The following RIT2 variants were observed in gnomAD, a reference collection of about 807,000 sequenced individuals.
RIT2 encodes the protein GTP-binding protein Rit2.
A neutral mutation model predicts 23.7 loss-of-function variants in RIT2; 24 were observed. The ratio of observed to expected loss-of-function variants is 1.01; its 90% CI spans 0.73 to 1.43. The LOEUF (loss-of-function observed/expected upper bound fraction) is 1.43, where lower values mean the gene tolerates loss of function less well. Among genes scored for constraint, RIT2 ranks in the 40% most tolerant of loss-of-function variants. The probability of loss-of-function intolerance (pLI) is 0.00; values close to 1 mark genes in which losing one functional copy is unlikely to be tolerated. For missense variants in RIT2, 236 were observed against 266.9 expected (o/e 0.88, Z 0.81); for synonymous variants, 107 against 91.1 (o/e 1.17, Z -0.99).
At chr18:42,850,011 T>A (rs1464339219) in intron 4 of RIT2, among the ~76,000 whole-genome samples, 1 of 152,122 alleles carries the variant, frequency 6.6e-6, no homozygotes, top group Admixed American at 6.5e-5. Flanking sequence ...AGGTCCAAAG[T>A]TCATGTCCCT....
chr18:42,789,149 G>C (rs186906036), intron 4 of RIT2, among the ~76,000 whole-genome samples: 10 of 152,136 alleles, frequency 6.6e-5, no homozygotes, highest in Admixed American at 5.2e-4. Flanking sequence ...CACTATGTTT[G>C]TTCATTCTAA....
intron 1 of RIT2, among the ~76,000 whole-genome samples, chr18:43,108,499 C>T (rs148958876): frequency 4.6e-5 from 7 of 151,936 alleles, no homozygotes; most frequent in Admixed American, 1.3e-4. Flanking sequence ...AAAGCAAATG[C>T]GTGAACGTAA....
intron 2 of RIT2, among the ~76,000 whole-genome samples, chr18:42,987,896 CT>C (rs1910750338): frequency 6.6e-6 from 1 of 152,004 alleles, no homozygotes; most frequent in Admixed American, 6.6e-5. Flanking sequence ...CAGCAAGAGC[CT>C]TGTGGGAACT....
intron 1 of RIT2, among the ~76,000 whole-genome samples, chr18:43,115,151 A>G (rs1171998693): frequency 2.0e-5 from 3 of 152,162 alleles, no homozygotes; most frequent in African/African-American, 7.2e-5. Context: ...CCTATACACT[A>G]AGAGCAAATA....
chr18:42,796,218 C>T (rs113293764), intron 4 of RIT2, among the ~76,000 whole-genome samples: 20 of 152,118 alleles, frequency 1.3e-4, no homozygotes, highest in African/African-American at 4.8e-4. Flanking sequence ...CCAGCAAGAC[C>T]AGGAGCTCAC....
intron 3 of RIT2, among the ~76,000 whole-genome samples, chr18:42,962,116 A>G (rs896793696): frequency 2.0e-5 from 3 of 152,342 alleles, no homozygotes; most frequent in Middle Eastern, 3.4e-3. Context: ...CTACTACCAT[A>G]CTTACACATG....
At chr18:42,785,772 C>A (rs1245087250) in intron 4 of RIT2, among the ~76,000 whole-genome samples, 1 of 152,098 alleles carries the variant, frequency 6.6e-6, no homozygotes, top group Non-Finnish European at 1.5e-5. Context: ...AGGCAACACA[C>A]AGGGTAGCGT....
chr18:42,890,797 T>C (rs954568520), intron 4 of RIT2, among the ~76,000 whole-genome samples: 7 of 152,014 alleles, frequency 4.6e-5, no homozygotes, highest in African/African-American at 1.7e-4. Context: ...AATAAAAGAA[T>C]AATAAAGATA....
intron 2 of RIT2, among the ~76,000 whole-genome samples, chr18:43,015,501 A>G (rs1911453705): frequency 6.6e-6 from 1 of 151,782 alleles, no homozygotes; most frequent in Non-Finnish European, 1.5e-5. Flanking sequence ...GATCTAACTT[A>G]GTTATTTTCA....
intron 3 of RIT2, among the ~76,000 whole-genome samples, chr18:42,953,803 G>A (rs1909909199): frequency 6.6e-6 from 1 of 152,094 alleles, no homozygotes; most frequent in Non-Finnish European, 1.5e-5. Context: ...AACGAAGTGT[G>A]GGATTTTAAA....
intron 2 of RIT2, among the ~76,000 whole-genome samples, chr18:42,976,598 A>C (rs181768883): frequency 6.6e-6 from 1 of 152,196 alleles, no homozygotes; most frequent in Admixed American, 6.6e-5. Flanking sequence ...TGTTACAAGG[A>C]TTAAATGATA....
intron 1 of RIT2, among the ~76,000 whole-genome samples, chr18:43,098,611 T>C (rs1431015404): frequency 1.3e-5 from 2 of 151,888 alleles, no homozygotes; most frequent in African/African-American, 4.8e-5. Context: ...ACAATAACAA[T>C]AGCAACAATA....
chr18:42,852,761 T>A (rs1907085878), intron 4 of RIT2, among the ~76,000 whole-genome samples: 1 of 146,706 alleles, frequency 6.8e-6, no homozygotes, highest in African/African-American at 2.5e-5. Context: ...GAATTTCTTC[T>A]TCCCTCCCTC....
intron 3 of RIT2, among the ~76,000 whole-genome samples, chr18:42,928,486 T>C (rs1374978513): frequency 6.6e-6 from 1 of 152,110 alleles, no homozygotes; most frequent in Non-Finnish European, 1.5e-5. Context: ...TACAAATTCA[T>C]CATTTGCATA....
In RIT2 at chr18:42,743,578, A is replaced by C; in HGVS notation, c.569T>G (p.Leu190Trp). The part of the protein sequence containing the change: ...EIRKKESMPS[L>W]MEKKLKRKDS... ...TTTTCTCTTCAGTTTCTTTTCCATC[A>C]AGGATGGCATGGACTCCTTCTTGCG... Residue 190 changes from leucine (L) to tryptophan (W), a missense_variant, in exon 5 of 5, where the codon TTG (leucine) becomes TGG (tryptophan). Coordinates refer to ENST00000326695, the MANE Select transcript of RIT2 (RefSeq NM_002930.4). 8 of 1,614,040 alleles carry C rather than the reference A, an allele frequency of 5.0e-6. No homozygotes were observed. Among genetic ancestry groups the C allele is most frequent in the Non-Finnish European group, 6.8e-6 (8 of 1,179,986 alleles).
At chr18:42,816,226 T>C (rs1178064849) in intron 4 of RIT2, among the ~76,000 whole-genome samples, 2 of 152,070 alleles carry the variant, frequency 1.3e-5, no homozygotes, top group African/African-American at 2.4e-5. Flanking sequence ...GCTGATTTCA[T>C]GATGTCACTG....
At chr18:43,111,247 T>G (rs1285684044) in intron 1 of RIT2, among the ~76,000 whole-genome samples, 1 of 152,050 alleles carries the variant, frequency 6.6e-6, no homozygotes, top group Non-Finnish European at 1.5e-5. Flanking sequence ...AGTTAAAAAT[T>G]AAAACAATTT....
intron 4 of RIT2, among the ~76,000 whole-genome samples, chr18:42,858,295 T>C (rs16977066): frequency 0.03 from 4,506 of 152,304 alleles, 223 homozygotes; most frequent in African/African-American, 0.1. Flanking sequence ...TCTGCACTTC[T>C]GTATGAATAC....
intron 4 of RIT2, among the ~76,000 whole-genome samples, chr18:42,860,557 G>A (rs529849326): frequency 2.6e-5 from 4 of 152,210 alleles, no homozygotes; most frequent in South Asian, 4.1e-4. Context: ...TTTAGAACTT[G>A]AACAAAAATG....
Sources: allele counts gnomAD v4.1 joint callset (sites outside exome capture counted in the v4.1 genomes callset), GRCh38; gene constraint gnomAD v4.1.1; transcripts MANE v1.5; gene names NCBI Gene and HGNC (gene_info 2026-07-23, HGNC 2026-07-21).